The following GABBR2 variants were observed in gnomAD, a reference collection of about 807,000 sequenced individuals.
GABBR2 encodes the protein gamma-aminobutyric acid type B receptor subunit 2.
A neutral mutation model predicts 105.6 loss-of-function variants in GABBR2; 23 were observed. The observed-to-expected ratio is 0.22, with a 90% confidence interval of 0.16 to 0.31. The LOEUF is 0.31. GABBR2 is among the 10% of genes least tolerant of loss of function. The pLI, the probability that GABBR2 is intolerant of heterozygous loss-of-function variation, is 1.00. For missense variants in GABBR2, 734 were observed against 1,245.5 expected, an observed-to-expected ratio of 0.59 and a Z score of 6.18; for synonymous variants, 478 against 499.7, an observed-to-expected ratio of 0.96 and a Z score of 0.58.
intron 8 of GABBR2, among the ~76,000 whole-genome samples, chr9:98,404,199 C>CAAA (rs55680554): frequency 1.2e-4 from 18 of 145,052 alleles, no homozygotes; most frequent in African/African-American, 4.3e-4. Flanking sequence ...TGCAATCACT[C>CAAA]AAAAAAAAAA....
chr9:98,483,575 C>G (rs2131646765), intron 4 of GABBR2, among the ~76,000 whole-genome samples: 1 of 152,340 alleles, frequency 6.6e-6, no homozygotes, highest in Middle Eastern at 3.4e-3. Flanking sequence ...TATCACATTT[C>G]TCATACCCTG....
intron 13 of GABBR2, among the ~76,000 whole-genome samples, chr9:98,361,741 G>A (rs1831588125): frequency 6.6e-6 from 1 of 152,202 alleles, no homozygotes; most frequent in African/African-American, 2.4e-5. Context: ...TATGTGGAAG[G>A]TGGTCAGGTG....
chr9:98,382,399 C>T (rs1395505890), intron 11 of GABBR2, among the ~76,000 whole-genome samples: 3 of 152,018 alleles, frequency 2.0e-5, no homozygotes, highest in African/African-American at 7.2e-5. Context: ...CTGCAAGCTC[C>T]GCCTCCCAGG....
chr9:98,380,720 G>A (rs1304153962), intron 11 of GABBR2, among the ~76,000 whole-genome samples: 1 of 152,204 alleles, frequency 6.6e-6, no homozygotes, highest in Non-Finnish European at 1.5e-5. Flanking sequence ...CAGAGGGAGT[G>A]GGGGATGGGA....
At chr9:98,481,180 AG>A (rs1804496077) in intron 4 of GABBR2, among the ~76,000 whole-genome samples, 183 bp from the exon 5 acceptor site, 2 of 152,162 alleles carry the variant, frequency 1.3e-5, no homozygotes. Flanking sequence ...AGCCCTCTCC[AG>A]GGCTGGCTTT....
intron 7 of GABBR2, among the ~76,000 whole-genome samples, chr9:98,412,329 A>G (rs1402086679): frequency 1.3e-5 from 2 of 152,232 alleles, no homozygotes; most frequent in African/African-American, 2.4e-5. Flanking sequence ...CAGTGTACTT[A>G]GGGAAGGATT....
chr9:98,481,027 G>A (rs1404783294), intron 4 of GABBR2, 30 bp from the exon 5 acceptor site: 3 of 1,417,624 alleles, frequency 2.1e-6, no homozygotes, highest in Non-Finnish European at 2.0e-6. Flanking sequence ...TCATGAAGGT[G>A]AGTAGATGTT....
At chr9:98,648,694 G>C (rs1008834517) in intron 1 of GABBR2, among the ~76,000 whole-genome samples, 9 of 152,154 alleles carry the variant, frequency 5.9e-5, no homozygotes, top group Admixed American at 5.2e-4. Context: ...CAATTGAATA[G>C]CTTTTAAATA....
intron 17 of GABBR2, among the ~76,000 whole-genome samples, chr9:98,297,683 A>G (rs1434965597): frequency 2.0e-5 from 3 of 151,868 alleles, no homozygotes; most frequent in African/African-American, 7.3e-5. Flanking sequence ...TAACAAATTG[A>G]TGAATACATG....
In GABBR2 at chr9:98,536,812, G is replaced by A. The variant is rs544593285; in HGVS notation, c.630+5061C>T. 2.7e-4 allele frequency among the ~76,000 whole-genome samples: 41 copies of A among 152,116 alleles called. No individual in the cohort carries two copies. In the South Asian group the frequency reaches 3.3e-3, roughly 12 times the overall value. On this transcript the variant is annotated intron_variant, in intron 3 of 18. Transcript: ENST00000259455. ...CCTATCCCTCTCCAACACAGACTTCGTGGACCACCCAACTCTTCACACCCC... is the reference window on the plus strand; with the variant it reads ...CCTATCCCTCTCCAACACAGACTTCATGGACCACCCAACTCTTCACACCCC...
chr9:98,361,910 G>A (rs776409571), intron 13 of GABBR2, among the ~76,000 whole-genome samples: 3 of 152,214 alleles, frequency 2.0e-5, no homozygotes, highest in Admixed American at 6.5e-5. Flanking sequence ...AAGATAAAAG[G>A]CTCTGCCCTC....
chr9:98,479,941 G>A (rs1030124317), intron 5 of GABBR2, among the ~76,000 whole-genome samples: 2 of 152,144 alleles, frequency 1.3e-5, no homozygotes, highest in Non-Finnish European at 2.9e-5. Context: ...AATATAATAT[G>A]TTAGGACCAT....
intron 13 of GABBR2, among the ~76,000 whole-genome samples, chr9:98,332,860 T>C (rs1831051736): frequency 6.6e-6 from 1 of 152,240 alleles, no homozygotes; most frequent in East Asian, 1.9e-4. Flanking sequence ...GTCTTCTGTG[T>C]CTGAATCGTG....
At chr9:98,620,909 G>A (rs1829661115) in intron 1 of GABBR2, among the ~76,000 whole-genome samples, 1 of 152,028 alleles carries the variant, frequency 6.6e-6, no homozygotes, top group African/African-American at 2.4e-5. Context: ...CTACAAAATG[G>A]GTGCACTAGT....
In GABBR2 at chr9:98,587,202, T is replaced by G. The variant is rs1425204160; in HGVS notation, c.322-9130A>C. Among the ~76,000 whole-genome samples the G allele has an allele frequency of 2.0e-5, 3 of 152,352 alleles. No homozygotes were observed. In the East Asian group the frequency reaches 5.8e-4, roughly 29 times the overall value. ...ATAGCCTGTGTTTCCTCTTTTGGAC[T>G]GGTAACTTTGCCCATTTTTCTACTG... On this transcript the variant is annotated intron_variant, in intron 1 of 18. Coordinates refer to ENST00000259455, the MANE Select transcript of GABBR2 (RefSeq NM_005458.8).
At chr9:98,462,329 T>G (rs577862892) in intron 6 of GABBR2, among the ~76,000 whole-genome samples, 358 of 152,342 alleles carry the variant, frequency 2.3e-3, no homozygotes, top group Non-Finnish European at 4.0e-3. Context: ...TAGGAATATC[T>G]ATTCATCAAA....
At chr9:98,545,874 G>C (rs111303309) in intron 2 of GABBR2, among the ~76,000 whole-genome samples, 142 of 152,212 alleles carry the variant, frequency 9.3e-4, no homozygotes, top group African/African-American at 3.4e-3. Flanking sequence ...CCAGCATCTG[G>C]CATCACCAGG....
intron 2 of GABBR2, among the ~76,000 whole-genome samples, chr9:98,546,765 C>CCAATATTGCAAAA (rs1828410239): frequency 7.7e-6 from 1 of 130,376 alleles, no homozygotes; most frequent in Non-Finnish European, 1.7e-5. Flanking sequence ...TTTATCATCT[C>CCAATATTGCAAAA]ATTGGCCATC....
At position 98,290,602 on chromosome 9, in the gene GABBR2, G is replaced by A. The variant is rs1262527891; in HGVS notation, c.2808C>T (p.Val936=). Residue 936 remains valine (V), a synonymous_variant, in exon 19 of 19, where the codon GTC becomes GTT. Transcript: ENST00000259455. The part of the protein sequence containing the change: ...RHRHVPPSFR[V]MVSGL Reference sequence around the variant, plus strand: ...CCCACCCTTACAGGCCCGAGACCATGACTCGGAAGGAGGGTGGCACATGTC... The same window carrying A: ...CCCACCCTTACAGGCCCGAGACCATAACTCGGAAGGAGGGTGGCACATGTC... 10 of 1,407,724 alleles carry A rather than the reference G, an allele frequency of 7.1e-6. No homozygotes were observed. The highest frequency in any genetic ancestry group is 9.3e-7 in the Non-Finnish European group (1 of 1,080,590). The allele number at this position is 1,407,724 out of a possible 1,614,324, so 87.2% of individuals were successfully genotyped here.
Sources: gnomAD v4.1 joint callset for allele counts (sites outside exome capture counted in the v4.1 genomes callset) on GRCh38, gnomAD v4.1.1 for gene constraint, MANE v1.5 for transcripts, NCBI Gene and HGNC (gene_info 2026-07-23, HGNC 2026-07-21) for gene names.